GPC6: variants seen among roughly 807,000 people sequenced by gnomAD.
GPC6 encodes the protein glypican 6.
Under a neutral mutation model 55.2 loss-of-function variants are expected in GPC6, and 14 were observed. That is an observed-to-expected ratio of 0.25 (90% CI 0.17 to 0.40). GPC6 has a LOEUF of 0.40. GPC6 is among the 10% of genes least tolerant of loss of function. The pLI is 1.00. For synonymous variants in GPC6, 278 were observed against 259.6 expected (o/e 1.07, Z -0.68); for missense variants, 641 against 708.5 (o/e 0.90, Z 1.08).
intron 2 of GPC6, among the ~76,000 whole-genome samples, chr13:93,572,282 G>A (rs1320493491): frequency 6.6e-6 from 1 of 152,102 alleles, no homozygotes; most frequent in East Asian, 1.9e-4. Context: ...TTAACTTGTG[G>A]GAGAGTTAAT....
At chr13:93,222,517 A>G (rs1855275), upstream of GPC6, among the ~76,000 whole-genome samples, 145,436 of 152,272 alleles carry the variant, frequency 0.96, 69,799 homozygotes, top group East Asian at 1. Context: ...CCAGTTTACT[A>G]TACTAAAATG....
chr13:93,901,337 G>A (rs1488791769), intron 3 of GPC6, among the ~76,000 whole-genome samples: 2 of 151,978 alleles, frequency 1.3e-5, no homozygotes, highest in African/African-American at 2.4e-5. Flanking sequence ...ATATTTACAA[G>A]TATTTGTATT....
At chr13:93,223,791 A>C (rs1163026254), upstream of GPC6, among the ~76,000 whole-genome samples, 7 of 151,894 alleles carry the variant, frequency 4.6e-5, no homozygotes, top group Non-Finnish European at 1.0e-4. Context: ...TTGTGTATTG[A>C]ACCAAGCACC....
At chr13:93,532,969 T>A (rs553353672) in intron 1 of GPC6, among the ~76,000 whole-genome samples, 1 of 152,172 alleles carries the variant, frequency 6.6e-6, no homozygotes, top group Non-Finnish European at 1.5e-5. Context: ...ATACTGGTAG[T>A]TTGAATGATA....
At chr13:93,896,844 A>G (rs1468719478) in intron 3 of GPC6, among the ~76,000 whole-genome samples, 1 of 152,080 alleles carries the variant, frequency 6.6e-6, no homozygotes, top group African/African-American at 2.4e-5. Flanking sequence ...TGGAAACACC[A>G]AGAGAAACAA....
chr13:93,510,959 A>ATG (rs1555306594), intron 1 of GPC6, among the ~76,000 whole-genome samples: 1 of 18,888 alleles, frequency 5.3e-5, no homozygotes, highest in African/African-American at 1.2e-4. Flanking sequence ...AAATATATAT[A>ATG]TATATATATA....
chr13:93,424,238 C>T (rs1877034850), intron 1 of GPC6, among the ~76,000 whole-genome samples: 1 of 152,056 alleles, frequency 6.6e-6, no homozygotes, highest in African/African-American at 2.4e-5. Flanking sequence ...AGGCCATCTG[C>T]CTCTGTGATG....
chr13:94,142,695 A>G (rs1887425237), intron 4 of GPC6, among the ~76,000 whole-genome samples: 1 of 152,150 alleles, frequency 6.6e-6, no homozygotes, highest in East Asian at 1.9e-4. Flanking sequence ...TAGCTTACAG[A>G]ATATTATCTA....
At chr13:93,475,532 T>A (rs1296667602) in intron 1 of GPC6, among the ~76,000 whole-genome samples, 2 of 152,172 alleles carry the variant, frequency 1.3e-5, no homozygotes, top group Non-Finnish European at 2.9e-5. Flanking sequence ...AGCTTTGAGT[T>A]GGATGCACAG....
intron 3 of GPC6, among the ~76,000 whole-genome samples, chr13:93,859,933 G>A (rs1286147041): frequency 2.6e-5 from 4 of 151,612 alleles, no homozygotes; most frequent in African/African-American, 9.7e-5. Flanking sequence ...GGATCTCAAC[G>A]GTCCCATCTC....
chr13:94,305,559 C>CTTGT (rs1479647741), intron 5 of GPC6, among the ~76,000 whole-genome samples: 9 of 152,310 alleles, frequency 5.9e-5, no homozygotes, highest in African/African-American at 1.9e-4. Flanking sequence ...AAAGAGAACA[C>CTTGT]TTGTTTACAG....
At chr13:94,292,062 G>C (rs1875008981) in intron 5 of GPC6, among the ~76,000 whole-genome samples, 1 of 152,132 alleles carries the variant, frequency 6.6e-6, no homozygotes, top group African/African-American at 2.4e-5. Context: ...TACTGCCAGG[G>C]ACAATACTAA....
At chr13:94,157,732 G>A (rs1888004350) in intron 4 of GPC6, among the ~76,000 whole-genome samples, 1 of 152,186 alleles carries the variant, frequency 6.6e-6, no homozygotes, top group South Asian at 2.1e-4. Flanking sequence ...CCCCCTAACA[G>A]CAGTGTGCAC....
intron 3 of GPC6, among the ~76,000 whole-genome samples, chr13:93,923,986 A>G (rs1389389100): frequency 6.6e-6 from 1 of 152,150 alleles, no homozygotes; most frequent in Non-Finnish European, 1.5e-5. Context: ...GTGGAATGGA[A>G]TGGAATGGTG....
At chr13:93,244,627 T>C (rs1270585194) in intron 1 of GPC6, among the ~76,000 whole-genome samples, 1 of 152,168 alleles carries the variant, frequency 6.6e-6, no homozygotes, top group East Asian at 1.9e-4. Context: ...AAATCAGCTC[T>C]AGCACCCGGT....
chr13:94,078,262 A>G (rs1229196855), intron 4 of GPC6, among the ~76,000 whole-genome samples: 2 of 152,046 alleles, frequency 1.3e-5, no homozygotes, highest in South Asian at 2.1e-4. Flanking sequence ...ATGCAACAAA[A>G]TTAGTACTGA....
intron 3 of GPC6, among the ~76,000 whole-genome samples, chr13:93,876,005 T>C (rs1472912412): frequency 2.0e-5 from 3 of 152,052 alleles, no homozygotes; most frequent in Non-Finnish European, 4.4e-5. Flanking sequence ...AGGCAAAAGC[T>C]GACCAGTAGT....
chr13:93,626,839 A>T (rs1879223939), intron 2 of GPC6, among the ~76,000 whole-genome samples: 1 of 151,738 alleles, frequency 6.6e-6, no homozygotes, highest in African/African-American at 2.4e-5. Flanking sequence ...TGGGTAACTT[A>T]TAAAGAAAAC....
chr13:93,827,664 A>G (rs9284274), intron 2 of GPC6, among the ~76,000 whole-genome samples: 64,265 of 152,060 alleles, frequency 0.42, 14,808 homozygotes, highest in African/African-American at 0.6. Flanking sequence ...CTTTTGAGAC[A>G]ATGGCATACT....
Sources: gnomAD v4.1 joint callset for allele counts (sites outside exome capture counted in the v4.1 genomes callset) on GRCh38, gnomAD v4.1.1 for gene constraint, MANE v1.5 for transcripts, NCBI Gene and HGNC (gene_info 2026-07-23, HGNC 2026-07-21) for gene names.